Variants in MTHFD1L observed in about 807,000 individuals in gnomAD.
MTHFD1L encodes the protein methylenetetrahydrofolate dehydrogenase (NADP+ dependent) 1 like.
Under a neutral mutation model 119.5 loss-of-function variants are expected in MTHFD1L, and 81 were observed. The observed-to-expected ratio is 0.68, with a 90% CI of 0.57 to 0.82. MTHFD1L has a LOEUF of 0.82. Among genes scored for constraint, MTHFD1L ranks in the 40% least tolerant of loss-of-function variants. MTHFD1L has a pLI of 0.00. For missense variants in MTHFD1L, 1,125 were observed against 1,253.4 expected, an observed-to-expected ratio of 0.90 and a Z score of 1.55; for synonymous variants, 430 against 475.2, an observed-to-expected ratio of 0.90 and a Z score of 1.24.
At chr6:150,871,886 A>ATTTTTTTTTTTTTTTTTTTTTTTTTTT (rs985548250) in intron 1 of MTHFD1L, among the ~76,000 whole-genome samples, 3 of 147,534 alleles carry the variant, frequency 2.0e-5, no homozygotes, top group African/African-American at 7.5e-5. Context: ...ATTTTATTTT[A>ATTTTTTTTTTTTTTTTTTTTTTTTTTT]TTTTATTTTT....
intron 1 of MTHFD1L, among the ~76,000 whole-genome samples, chr6:150,874,532 AT>A (rs1203723178): frequency 6.6e-6 from 1 of 152,182 alleles, no homozygotes; most frequent in African/African-American, 2.4e-5. Context: ...TTCACCCCGC[AT>A]TTTTGTTAGG....
intron 26 of MTHFD1L, among the ~76,000 whole-genome samples, chr6:151,047,780 T>A (rs7349940): frequency 0.1 from 15,857 of 152,154 alleles, 1,648 homozygotes; most frequent in East Asian, 0.59. Flanking sequence ...AATGCCTAGT[T>A]ACTTGGGATC....
chr6:150,989,968 C>A (rs1035268413), intron 20 of MTHFD1L, among the ~76,000 whole-genome samples: 1 of 152,118 alleles, frequency 6.6e-6, no homozygotes, highest in Non-Finnish European at 1.5e-5. Flanking sequence ...AGAATGAATT[C>A]ATGAGGATGG....
At chr6:150,934,887 T>C (rs2128932062) in intron 11 of MTHFD1L, 1 of 1,497,834 alleles carries the variant, frequency 6.7e-7, no homozygotes, top group South Asian at 1.4e-5. Context: ...AGCAGTCTTA[T>C]AGCTGGATCA....
intron 27 of MTHFD1L, among the ~76,000 whole-genome samples, chr6:151,095,321 A>G (rs1794808714): frequency 6.6e-6 from 1 of 152,126 alleles, no homozygotes; most frequent in Non-Finnish European, 1.5e-5. Context: ...TATTTCCCCA[A>G]TTGCTAGTTG....
chr6:151,049,992 T>G lies in MTHFD1L; in HGVS notation c.2847+12875T>G, dbSNP rs78308192. 9.0e-3 allele frequency among the ~76,000 whole-genome samples: 1,364 copies of G among 152,170 alleles called. 55 individuals carry two copies. The South Asian group carries it at 0.12, about 13-fold the overall frequency. ...CTTGTGGGAAGGAATGTGGATGTCA[T>G]GAAGTGTCCATAAAAACCCAAGAGG... is the stretch of plus-strand genomic sequence containing the variant. On this transcript the variant is annotated intron_variant, in intron 26 of 27. Coordinates refer to ENST00000367321, the MANE Select transcript of MTHFD1L (RefSeq NM_015440.5).
At chr6:151,057,355 G>A in intron 26 of MTHFD1L, 2 of 985,358 alleles carry the variant, frequency 2.0e-6, no homozygotes, top group South Asian at 4.7e-5. Flanking sequence ...AGGCCTGAGA[G>A]ACCGGCCAGG....
chr6:151,008,663 G>T lies in MTHFD1L; in HGVS notation c.2126-1156G>T, dbSNP rs147676807. Among the ~76,000 whole-genome samples, 292 of 152,296 alleles carry T rather than the reference G, an allele frequency of 1.9e-3. 1 individual carries two copies. The highest frequency in any genetic ancestry group is 6.7e-3 in the African/African-American group (277 of 41,552). ...CTGTGACCTTTCTAGCAACTGAGGG[G>T]GTGGGGACTAGAAACGAGTGTTTTC... is the stretch of plus-strand genomic sequence containing the variant. On this transcript the variant is annotated intron_variant, in intron 20 of 27. Transcript: ENST00000367321.
chr6:150,953,412 T>A (rs1241986026), intron 16 of MTHFD1L, among the ~76,000 whole-genome samples: 1 of 152,148 alleles, frequency 6.6e-6, no homozygotes, highest in African/African-American at 2.4e-5. Flanking sequence ...CTAGCATGCC[T>A]TACATAAGAG....
rs1409564998 is a variant in MTHFD1L, at chr6:150,916,486, TTTTTTTTTTTTTTG to T, written c.893-2090_893-2077del. Among the ~76,000 whole-genome samples, 184 of 55,818 alleles carry T rather than the reference TTTTTTTTTTTTTTG, an allele frequency of 3.3e-3. 5 individuals carry two copies. The highest frequency in any genetic ancestry group is 0.013 in the African/African-American group (166 of 13,134). 36.6% of individuals were successfully genotyped at this position (55,818 alleles called of 152,430 possible). A position where few individuals can be genotyped will look rare whatever the true frequency, so the allele number is the denominator to read the frequency against. On this transcript the variant is annotated intron_variant, in intron 8 of 27. Coordinates refer to ENST00000367321, the MANE Select transcript of MTHFD1L (RefSeq NM_015440.5). ...CAGCTAATTTTTTTTTTTTTTTTTTTTTTTTTTTTTTTTGGTATTTTTAGTAGAGATGGGGTTGC... is the reference window on the plus strand; with the variant it reads ...CAGCTAATTTTTTTTTTTTTTTTTTTGTATTTTTAGTAGAGATGGGGTTGC...
chr6:151,005,580 C>G (rs1485649551), intron 20 of MTHFD1L, among the ~76,000 whole-genome samples: 1 of 152,082 alleles, frequency 6.6e-6, no homozygotes, highest in Non-Finnish European at 1.5e-5. Context: ...TCCAATTGGT[C>G]TCTTTTTAAA....
chr6:150,994,097 G>GAAAGAAAAGAAAAGAAA (rs61147935), intron 20 of MTHFD1L, among the ~76,000 whole-genome samples: 1 of 129,242 alleles, frequency 7.7e-6, no homozygotes, highest in African/African-American at 3.7e-5. Flanking sequence ...AAGAAAGAAA[G>GAAAGAAAAGAAAAGAAA]TGACCCAGCA....
intron 13 of MTHFD1L, among the ~76,000 whole-genome samples, chr6:150,943,284 T>A (rs951370645): frequency 8.0e-5 from 12 of 150,362 alleles, no homozygotes; most frequent in South Asian, 2.1e-4. Context: ...CAAAAAAAAA[T>A]AAATAAAATA....
chr6:150,915,313 T>C (rs1274199381), intron 8 of MTHFD1L, among the ~76,000 whole-genome samples: 1 of 152,196 alleles, frequency 6.6e-6, no homozygotes. Flanking sequence ...TATGTGTGGC[T>C]ATGGCCCAAG....
intron 5 of MTHFD1L, among the ~76,000 whole-genome samples, chr6:150,883,957 G>C (rs376169365): frequency 6.6e-6 from 1 of 151,998 alleles, no homozygotes; most frequent in Non-Finnish European, 1.5e-5. Flanking sequence ...TTCCATTCTA[G>C]CCTTTTATTG....
chr6:150,866,009 C>T lies in MTHFD1L; in HGVS notation c.187C>T (p.Pro63Ser). The T allele has an allele frequency of 2.2e-6, 3 of 1,386,744 alleles. No homozygotes were observed. The highest frequency in any genetic ancestry group is 1.9e-6 in the Non-Finnish European group (2 of 1,075,664). 85.9% of individuals were successfully genotyped at this position (1,386,744 alleles called of 1,614,324 possible). The change falls in exon 1 of 28, where the codon CCC becomes TCC. Residue 63 changes from proline (P) to serine (S), a missense_variant. Physicochemically the swap from Pro to Ser is moderately conservative, Grantham distance 74. Coordinates refer to ENST00000367321, the MANE Select transcript of MTHFD1L (RefSeq NM_015440.5). ...TGGCCAGGCCCGGAGCAGCTGCAGCCCCGGCGGCCGAACGCCCGCGGCGCG... is the reference window on the plus strand; with the variant it reads ...TGGCCAGGCCCGGAGCAGCTGCAGCTCCGGCGGCCGAACGCCCGCGGCGCG... ...QDGQARSSCS[P>S]GGRTPAARDS...
At chr6:150,909,239 G>C (rs1786452836) in intron 8 of MTHFD1L, among the ~76,000 whole-genome samples, 1 of 148,848 alleles carries the variant, frequency 6.7e-6, no homozygotes, top group African/African-American at 2.5e-5. Context: ...TCAACATTCT[G>C]TTTTCTAGCT....
At chr6:151,050,741 C>T (rs1788896122) in intron 26 of MTHFD1L, among the ~76,000 whole-genome samples, 1 of 152,182 alleles carries the variant, frequency 6.6e-6, no homozygotes, top group Non-Finnish European at 1.5e-5. Context: ...AAACCCCATA[C>T]ACATTTGGTC....
chr6:151,010,065 G>A (rs374490326), intron 21 of MTHFD1L, 107 bp downstream of exon 21: 8 of 1,339,888 alleles, frequency 6.0e-6, no homozygotes, highest in African/African-American at 3.0e-5. Flanking sequence ...GTTTTCTAGA[G>A]TATTTTTCTT....
Sources: gnomAD v4.1 joint callset for allele counts (sites outside exome capture counted in the v4.1 genomes callset) on GRCh38, gnomAD v4.1.1 for gene constraint, MANE v1.5 for transcripts, NCBI Gene and HGNC (gene_info 2026-07-23, HGNC 2026-07-21) for gene names.